ARHGAP28: variants seen among roughly 807,000 people sequenced by gnomAD.
ARHGAP28 encodes the protein Rho GTPase activating protein 28.
In ARHGAP28, 56 loss-of-function variants were observed where a neutral mutation model predicts 90.7. The observed-to-expected ratio is 0.62, with a 90% CI of 0.50 to 0.77. ARHGAP28 has a LOEUF of 0.77. Among genes scored for constraint, ARHGAP28 ranks in the 30% least tolerant of loss-of-function variants. The pLI is 0.00. For synonymous variants in ARHGAP28, 308 were observed against 323.3 expected, an observed-to-expected ratio of 0.95 and a Z score of 0.51; for missense variants, 869 against 900.9, an observed-to-expected ratio of 0.96 and a Z score of 0.45.
intron 1 of ARHGAP28, among the ~76,000 whole-genome samples, chr18:6,798,985 T>G (rs1489284133): frequency 6.6e-6 from 1 of 152,214 alleles, no homozygotes; most frequent in African/African-American, 2.4e-5. Context: ...TAGTTTAAAA[T>G]TTAATAATTG....
intron 16 of ARHGAP28, among the ~76,000 whole-genome samples, chr18:6,901,176 C>G (rs1337689162): frequency 6.6e-6 from 1 of 152,068 alleles, no homozygotes; most frequent in Non-Finnish European, 1.5e-5. Flanking sequence ...TATAACAAGG[C>G]TTAGAACATC....
intron 5 of ARHGAP28, 31 bp downstream of exon 5, chr18:6,859,928 T>TCAAG: frequency 6.3e-7 from 1 of 1,590,540 alleles, no homozygotes. Flanking sequence ...CAGTTACATG[T>TCAAG]CAAGGTACAG....
chr18:6,868,327 G>C, intron 6 of ARHGAP28, 93 bp downstream of exon 6: 3 of 1,103,314 alleles, frequency 2.7e-6, no homozygotes, highest in South Asian at 1.5e-5. Flanking sequence ...TAAAAGCGAA[G>C]TATAAGTGTG....
intron 1 of ARHGAP28, among the ~76,000 whole-genome samples, chr18:6,808,800 C>T (rs183630251): frequency 6.6e-6 from 1 of 152,266 alleles, no homozygotes; most frequent in East Asian, 1.9e-4. Flanking sequence ...ATACATTTTC[C>T]TAGCTCTGTA....
At chr18:6,898,982 A>G (rs1277709847) in intron 16 of ARHGAP28, among the ~76,000 whole-genome samples, 2 of 152,170 alleles carry the variant, frequency 1.3e-5, no homozygotes, top group Non-Finnish European at 2.9e-5. Flanking sequence ...AATTACCACT[A>G]CATAATTTAC....
chr18:6,888,490 A>G (rs2057239165), intron 12 of ARHGAP28, among the ~76,000 whole-genome samples: 2 of 152,142 alleles, frequency 1.3e-5, no homozygotes, highest in Admixed American at 1.3e-4. Context: ...GTCAATTATA[A>G]TATATGTCGG....
chr18:6,772,865 C>A (rs1191110259), intron 1 of ARHGAP28, among the ~76,000 whole-genome samples: 1 of 151,996 alleles, frequency 6.6e-6, no homozygotes, highest in Non-Finnish European at 1.5e-5. Context: ...CTCAGCCTCC[C>A]GAGTAGCTGG....
intron 1 of ARHGAP28, among the ~76,000 whole-genome samples, chr18:6,780,859 C>T (rs545111770): frequency 9.6e-4 from 145 of 150,274 alleles, no homozygotes; most frequent in Non-Finnish European, 1.8e-3. Flanking sequence ...GCCATTTGCA[C>T]TCCAGCCTAG....
At chr18:6,864,726 C>T (rs1383075620) in intron 5 of ARHGAP28, among the ~76,000 whole-genome samples, 3 of 151,814 alleles carry the variant, frequency 2.0e-5, no homozygotes, top group South Asian at 2.1e-4. Flanking sequence ...GCTTTGTCAC[C>T]GAGGCTGGAG....
At chr18:6,856,180 G>C (rs985037498) in intron 4 of ARHGAP28, among the ~76,000 whole-genome samples, 1 of 152,078 alleles carries the variant, frequency 6.6e-6, no homozygotes, top group African/African-American at 2.4e-5. Flanking sequence ...TGTTTGCTCT[G>C]TTTTCTAGTT....
chr18:6,763,851 G>A (rs953696372), intron 1 of ARHGAP28, among the ~76,000 whole-genome samples: 4 of 152,174 alleles, frequency 2.6e-5, no homozygotes, highest in Admixed American at 6.5e-5. Context: ...TGAGCACAGC[G>A]CTCTGAGCTT....
At chr18:6,898,203 C>G in intron 16 of ARHGAP28, 1 of 318,160 alleles carries the variant, frequency 3.1e-6, no homozygotes, top group Non-Finnish European at 5.6e-6. Flanking sequence ...GCACCAAAAT[C>G]TCAGAAATTA....
chr18:6,782,590 GTATTTTTTTTTTTTTTTTTTTTT>G (rs1247393478), intron 1 of ARHGAP28, among the ~76,000 whole-genome samples: 2 of 20,924 alleles, frequency 9.6e-5, no homozygotes, highest in African/African-American at 2.3e-4. Context: ...GCTAATTTTT[GTATTTTTTTTTTTTTTTTTTTTT>G]TTTTTTTTTT....
chr18:6,866,058 T>A (rs569276003), intron 5 of ARHGAP28, among the ~76,000 whole-genome samples: 2 of 152,306 alleles, frequency 1.3e-5, no homozygotes, highest in South Asian at 4.1e-4. Context: ...GAGGAACGGA[T>A]GTTTTAAAAT....
In ARHGAP28 at chr18:6,782,415, AATTATT is replaced by A. The variant is rs1216660762; in HGVS notation, c.123-42334_123-42329del. On this transcript the variant is annotated intron_variant, in intron 1 of 17. Transcript: ENST00000383472. ...CTGTTATATATAATGTCAAGACATT[AATTATT>A]ATTATTATTATTTTGAGATAGAGTC... Among the ~76,000 whole-genome samples the A allele has an allele frequency of 9.2e-5, 14 of 151,422 alleles. No individual in the cohort carries two copies. The East Asian group carries it at 2.5e-3, about 27-fold the overall frequency.
chr18:6,797,047 A>G (rs1458468051), intron 1 of ARHGAP28, among the ~76,000 whole-genome samples: 1 of 152,202 alleles, frequency 6.6e-6, no homozygotes, highest in Non-Finnish European at 1.5e-5. Context: ...TATATGACCA[A>G]CAAATATTTA....
intron 1 of ARHGAP28, among the ~76,000 whole-genome samples, chr18:6,770,697 G>C: frequency 6.6e-6 from 1 of 152,050 alleles, no homozygotes; most frequent in East Asian, 1.9e-4. Context: ...ATCGATATCA[G>C]ACTTCTTTAG....
intron 1 of ARHGAP28, among the ~76,000 whole-genome samples, chr18:6,778,299 T>C (rs1046141868): frequency 5.9e-5 from 9 of 152,222 alleles, no homozygotes; most frequent in Non-Finnish European, 1.3e-4. Context: ...GCAAGTTTCA[T>C]GTAAAATGTC....
rs375278132 is a variant in ARHGAP28, at chr18:6,783,867, A to G, written c.123-40895A>G. ...TGTACCCAAGACCACAGCTCTTTTC[A>G]TGACCCTGGCCTACTGCTCCTGTTC... On this transcript the variant is annotated intron_variant, in intron 1 of 17. Transcript: ENST00000383472. 2.8e-4 allele frequency among the ~76,000 whole-genome samples: 43 copies of G among 152,248 alleles called. No individual in the cohort carries two copies. In the East Asian group the frequency reaches 6.0e-3, roughly 21 times the overall value.
Sources: gnomAD v4.1 joint callset for allele counts (sites outside exome capture counted in the v4.1 genomes callset) on GRCh38, gnomAD v4.1.1 for gene constraint, MANE v1.5 for transcripts, NCBI Gene and HGNC (gene_info 2026-07-23, HGNC 2026-07-21) for gene names.